Variants in SPOCK3 observed in about 807,000 individuals in gnomAD.
SPOCK3 encodes SPARC (osteonectin), cwcv and kazal like domains proteoglycan 3, also known as testican-3.
SPOCK3 carries 30 observed loss-of-function variants against 56.6 expected under a neutral mutation model. The ratio of observed to expected loss-of-function variants is 0.53; its 90% CI spans 0.40 to 0.72. The LOEUF is 0.72. SPOCK3 is among the 30% of genes least tolerant of loss of function. SPOCK3 has a pLI of 0.00. For synonymous variants in SPOCK3, 196 were observed against 183.3 expected, an observed-to-expected ratio of 1.07 and a Z score of -0.56; for missense variants, 527 against 530.0, an observed-to-expected ratio of 0.99 and a Z score of 0.06.
intron 4 of SPOCK3, among the ~76,000 whole-genome samples, chr4:166,986,392 T>C (rs1199345727): frequency 6.6e-6 from 1 of 152,110 alleles, no homozygotes; most frequent in East Asian, 1.9e-4. Flanking sequence ...ACAATTGTGA[T>C]GGGACTCCCA....
chr4:167,112,533 G>T lies in SPOCK3; in HGVS notation c.190-49996C>A, dbSNP rs369487221. On this transcript the variant is annotated intron_variant, in intron 2 of 10. Coordinates refer to ENST00000357545, the MANE Select transcript of SPOCK3 (RefSeq NM_001040159.2). ...GCAGGAAAACATAGGGATTGAGGGG[G>T]CTGTCATGTCTCCAAAAGATTGTCA... Among the ~76,000 whole-genome samples, 65 of 152,154 alleles carry T rather than the reference G, an allele frequency of 4.3e-4. No individual in the cohort carries two copies. In the East Asian group the frequency reaches 9.3e-3, roughly 22 times the overall value.
At chr4:166,818,441 A>T (rs1017604630) in intron 6 of SPOCK3, among the ~76,000 whole-genome samples, 4 of 152,070 alleles carry the variant, frequency 2.6e-5, no homozygotes, top group Admixed American at 2.6e-4. Context: ...ATGAGTACTT[A>T]TACAGTAATC....
At chr4:166,793,968 T>C (rs2033711763) in intron 6 of SPOCK3, among the ~76,000 whole-genome samples, 1 of 151,914 alleles carries the variant, frequency 6.6e-6, no homozygotes, top group South Asian at 2.1e-4. Flanking sequence ...CAAGAACTAA[T>C]GGAAGAGAGA....
At chr4:167,143,144 A>G (rs946787181) in intron 2 of SPOCK3, among the ~76,000 whole-genome samples, 2 of 152,054 alleles carry the variant, frequency 1.3e-5, no homozygotes, top group African/African-American at 4.8e-5. Context: ...AACTGTGTGC[A>G]TACGCTACTC....
chr4:167,196,912 GT>G (rs1267820168), intron 2 of SPOCK3, among the ~76,000 whole-genome samples: 1 of 152,048 alleles, frequency 6.6e-6, no homozygotes, highest in Non-Finnish European at 1.5e-5. Flanking sequence ...CATTATCATA[GT>G]ATATATGATT....
intron 2 of SPOCK3, among the ~76,000 whole-genome samples, chr4:167,203,667 C>T (rs758969443): frequency 1.3e-5 from 2 of 151,880 alleles, no homozygotes; most frequent in African/African-American, 2.4e-5. Flanking sequence ...CAGCCAATTA[C>T]GACCTTGTAG....
intron 2 of SPOCK3, among the ~76,000 whole-genome samples, chr4:167,063,857 T>C (rs1422172737): frequency 6.6e-6 from 1 of 151,894 alleles, no homozygotes; most frequent in Non-Finnish European, 1.5e-5. Context: ...CATAATTTCA[T>C]TCCCTTTTAT....
At chr4:167,139,986 C>T (rs1385516) in intron 2 of SPOCK3, among the ~76,000 whole-genome samples, 2,311 of 151,786 alleles carry the variant, frequency 0.015, 69 homozygotes, top group African/African-American at 0.052. Context: ...CATTACTGTA[C>T]CTGAATATGA....
chr4:167,000,279 T>A (rs1748812398), intron 4 of SPOCK3, 70 bp downstream of exon 4: 8 of 729,640 alleles, frequency 1.1e-5, no homozygotes, highest in Non-Finnish European at 1.6e-5. Flanking sequence ...CTGCCAAATA[T>A]TTATACTCTG....
At chr4:167,156,852 G>A (rs1158003102) in intron 2 of SPOCK3, among the ~76,000 whole-genome samples, 1 of 152,044 alleles carries the variant, frequency 6.6e-6, no homozygotes, top group African/African-American at 2.4e-5. Context: ...AAATTACAGG[G>A]CAAGATTTAA....
chr4:167,074,012 C>G (rs575184258), intron 2 of SPOCK3, among the ~76,000 whole-genome samples: 2 of 148,822 alleles, frequency 1.3e-5, no homozygotes, highest in African/African-American at 4.9e-5. Flanking sequence ...TCACTTTTTT[C>G]AAAACACTAA....
chr4:167,027,629 TTA>T (rs1277452550), intron 3 of SPOCK3, among the ~76,000 whole-genome samples: 1 of 152,106 alleles, frequency 6.6e-6, no homozygotes, highest in Non-Finnish European at 1.5e-5. Flanking sequence ...AGCCTTACCG[TTA>T]ACAGTCCATT....
rs1052496220 is a variant in SPOCK3, at chr4:167,156,361, A to G, written c.189+77624T>C. On this transcript the variant is annotated intron_variant, in intron 2 of 10. Transcript: ENST00000357545. ...AAACGCAGGGATGCAGTAACTTAGAACGCTTCCAGATCACCTCCCAATTAT... is the reference window on the plus strand; with the variant it reads ...AAACGCAGGGATGCAGTAACTTAGAGCGCTTCCAGATCACCTCCCAATTAT... 1.4e-4 allele frequency among the ~76,000 whole-genome samples: 21 copies of G among 152,276 alleles called. No homozygotes were observed. In the East Asian group the frequency reaches 3.1e-3, roughly 22 times the overall value.
intron 4 of SPOCK3, among the ~76,000 whole-genome samples, chr4:166,985,378 G>C (rs915105308): frequency 2.0e-4 from 30 of 152,084 alleles, no homozygotes; most frequent in African/African-American, 6.5e-4. Flanking sequence ...AATATATGGA[G>C]GTTACAATGG....
At chr4:167,173,990 C>A (rs910345934) in intron 2 of SPOCK3, among the ~76,000 whole-genome samples, 1 of 152,102 alleles carries the variant, frequency 6.6e-6, no homozygotes, top group Non-Finnish European at 1.5e-5. Context: ...AGGTAACATG[C>A]AACATAATTC....
intron 6 of SPOCK3, among the ~76,000 whole-genome samples, chr4:166,862,372 A>G (rs1020011738): frequency 6.6e-6 from 1 of 152,084 alleles, no homozygotes; most frequent in Admixed American, 6.6e-5. Flanking sequence ...AATGTAGCAA[A>G]TTGAATAAAA....
chr4:167,100,382 C>G (rs1368454163), intron 2 of SPOCK3, among the ~76,000 whole-genome samples: 1 of 151,832 alleles, frequency 6.6e-6, no homozygotes, highest in Non-Finnish European at 1.5e-5. Context: ...ATCTCTTCCA[C>G]TTTCCTTTCT....
At chr4:166,889,269 T>A in intron 5 of SPOCK3, 25 bp from the exon 6 acceptor site, 1 of 1,372,568 alleles carries the variant, frequency 7.3e-7, no homozygotes, top group Non-Finnish European at 1.0e-6. Context: ...AAAAAAAAAG[T>A]AATTCAAATG....
At chr4:167,011,758 T>G (rs961798190) in intron 3 of SPOCK3, among the ~76,000 whole-genome samples, 2 of 152,078 alleles carry the variant, frequency 1.3e-5, no homozygotes, top group African/African-American at 4.8e-5. Context: ...CCTATTGCTT[T>G]TATTGAATTC....
Sources: gnomAD v4.1 joint callset for allele counts (sites outside exome capture counted in the v4.1 genomes callset) on GRCh38, gnomAD v4.1.1 for gene constraint, MANE v1.5 for transcripts, NCBI Gene and HGNC (gene_info 2026-07-23, HGNC 2026-07-21) for gene names.